The following GSK3B variants were observed in gnomAD, a reference collection of about 807,000 sequenced individuals.
GSK3B encodes glycogen synthase kinase-3 beta.
Under a neutral mutation model 56.4 loss-of-function variants are expected in GSK3B, and 15 were observed. The observed-to-expected ratio is 0.27, with a 90% CI of 0.18 to 0.41. GSK3B has a LOEUF of 0.41. Ranked by LOEUF, GSK3B falls within the 10% of genes least tolerant of loss-of-function variation. The pLI, the probability that GSK3B is intolerant of heterozygous loss-of-function variation, is 1.00. For missense variants in GSK3B, 300 were observed against 513.4 expected (o/e 0.58, Z 4.02); for synonymous variants, 181 against 188.9 (o/e 0.96, Z 0.34).
chr3:119,870,127 T>A (rs1229803121), intron 8 of GSK3B, among the ~76,000 whole-genome samples: 2 of 152,172 alleles, frequency 1.3e-5, no homozygotes, highest in African/African-American at 2.4e-5. Flanking sequence ...CCCTTCAACA[T>A]CCCACCTCAT....
chr3:120,094,202 A>G lies in GSK3B; in HGVS notation c.-768T>C, dbSNP rs893032650. Reference sequence around the variant, plus strand: ...TCGCCGGGGACATGGGAACCCGGCAACCGCTTCCGTCCCTCGGGGCCCCCT... The same window carrying G: ...TCGCCGGGGACATGGGAACCCGGCAGCCGCTTCCGTCCCTCGGGGCCCCCT... On this transcript the variant is annotated 5_prime_UTR_variant, in exon 1 of 11. Coordinates refer to ENST00000264235, the MANE Select transcript of GSK3B (RefSeq NM_001146156.2). 1.8e-5 allele frequency: 4 copies of G among 225,836 alleles called. No individual in the cohort carries two copies. The highest frequency in any genetic ancestry group is 6.8e-5 in the African/African-American group (3 of 44,434). The allele number at this position is 225,836 out of a possible 1,614,324, so 14.0% of individuals were successfully genotyped here.
chr3:120,026,183 C>G (rs1331905702), intron 1 of GSK3B, among the ~76,000 whole-genome samples: 1 of 152,052 alleles, frequency 6.6e-6, no homozygotes, highest in Non-Finnish European at 1.5e-5. Context: ...ACAAGCGATA[C>G]AATAAAACCA....
At chr3:119,896,988 T>C (rs1385602691) in intron 7 of GSK3B, among the ~76,000 whole-genome samples, 2 of 152,220 alleles carry the variant, frequency 1.3e-5, no homozygotes, top group Non-Finnish European at 2.9e-5. Context: ...GATGGTCCTT[T>C]GACTCAGGTC....
intron 2 of GSK3B, among the ~76,000 whole-genome samples, chr3:119,956,543 A>G (rs1172743942): frequency 6.6e-6 from 1 of 152,224 alleles, no homozygotes. Context: ...TTGGTGCTCA[A>G]AAAGTTTTAA....
chr3:119,834,016 G>C (rs756450791), intron 10 of GSK3B, among the ~76,000 whole-genome samples: 1 of 151,964 alleles, frequency 6.6e-6, no homozygotes, highest in Non-Finnish European at 1.5e-5. Flanking sequence ...TTTTATTCCC[G>C]TATTTCCTTT....
At chr3:119,976,765 C>CAAAAAAAAAAAAAAAA (rs563133631) in intron 2 of GSK3B, among the ~76,000 whole-genome samples, 1 of 83,108 alleles carries the variant, frequency 1.2e-5, no homozygotes, top group African/African-American at 3.6e-5. Flanking sequence ...CCACTCCCCA[C>CAAAAAAAAAAAAAAAA]AAAAAAAAAA....
chr3:119,921,965 C>T (rs1347436501), intron 4 of GSK3B, among the ~76,000 whole-genome samples: 4 of 152,088 alleles, frequency 2.6e-5, no homozygotes, highest in Non-Finnish European at 5.9e-5. Context: ...GATGAAACCA[C>T]ATCTCCACTA....
intron 10 of GSK3B, among the ~76,000 whole-genome samples, chr3:119,827,608 A>AAT (rs1553721502): frequency 0.12 from 11,878 of 95,078 alleles, 1,050 homozygotes; most frequent in East Asian, 0.32. Flanking sequence ...AAAAAAAAAA[A>AAT]AGAGAGAGAG....
intron 2 of GSK3B, among the ~76,000 whole-genome samples, chr3:119,963,316 ATTT>A (rs908876641): frequency 1.3e-5 from 2 of 152,156 alleles, no homozygotes; most frequent in Non-Finnish European, 1.5e-5. Context: ...TCCTAAAGAC[ATTT>A]TTTACATAAT....
chr3:119,836,785 C>A (rs1477922509), intron 10 of GSK3B, among the ~76,000 whole-genome samples: 4 of 152,194 alleles, frequency 2.6e-5, no homozygotes, highest in Admixed American at 2.0e-4. Flanking sequence ...GAAGAGTAAT[C>A]TCTAGGAAAC....
intron 4 of GSK3B, among the ~76,000 whole-genome samples, chr3:119,920,798 C>T (rs1000752285): frequency 7.2e-5 from 11 of 151,970 alleles, no homozygotes; most frequent in African/African-American, 9.7e-5. Context: ...AAAAACTCAT[C>T]GATTTTATTT....
chr3:119,960,910 C>T (rs1341982569), intron 2 of GSK3B, among the ~76,000 whole-genome samples: 2 of 152,086 alleles, frequency 1.3e-5, no homozygotes, highest in Non-Finnish European at 2.9e-5. Flanking sequence ...GAACAATGCC[C>T]AGCCCATATC....
At chr3:119,858,840 T>A (rs765693228) in intron 9 of GSK3B, among the ~76,000 whole-genome samples, 1 of 152,150 alleles carries the variant, frequency 6.6e-6, no homozygotes, top group Non-Finnish European at 1.5e-5. Flanking sequence ...TGGCCTAATT[T>A]CAATATTGTT....
intron 7 of GSK3B, among the ~76,000 whole-genome samples, chr3:119,901,175 C>T (rs1249096848): frequency 2.0e-5 from 3 of 151,992 alleles, no homozygotes; most frequent in Non-Finnish European, 4.4e-5. Context: ...TATTTTTTCC[C>T]ATGTATCTGG....
At chr3:120,049,930 TG>T (rs2107541003) in intron 1 of GSK3B, among the ~76,000 whole-genome samples, 1 of 152,374 alleles carries the variant, frequency 6.6e-6, no homozygotes, top group East Asian at 1.9e-4. Flanking sequence ...TAATCCATTT[TG>T]TAGTGCTATG....
At chr3:119,867,909 G>A (rs2056203338) in intron 8 of GSK3B, among the ~76,000 whole-genome samples, 1 of 151,936 alleles carries the variant, frequency 6.6e-6, no homozygotes, top group African/African-American at 2.4e-5. Context: ...ACACAACCAG[G>A]TGGACAAAAA....
At chr3:119,942,048 C>G (rs750747327) in intron 3 of GSK3B, among the ~76,000 whole-genome samples, 18 of 152,188 alleles carry the variant, frequency 1.2e-4, no homozygotes, top group Admixed American at 2.6e-4. Flanking sequence ...CTTCTGGATA[C>G]AGGCCCCCAT....
intron 1 of GSK3B, among the ~76,000 whole-genome samples, chr3:120,035,271 G>C (rs1423499175): frequency 6.6e-6 from 1 of 152,042 alleles, no homozygotes; most frequent in Non-Finnish European, 1.5e-5. Flanking sequence ...GAAATGTCAG[G>C]GATTGCTAGC....
intron 7 of GSK3B, among the ~76,000 whole-genome samples, chr3:119,892,286 C>T (rs988772419): frequency 2.0e-5 from 3 of 147,044 alleles, no homozygotes; most frequent in African/African-American, 8.2e-5. Context: ...CTCCAGTCTT[C>T]TCCTTCCTGG....
Sources: gnomAD v4.1 joint callset for allele counts (sites outside exome capture counted in the v4.1 genomes callset) on GRCh38, gnomAD v4.1.1 for gene constraint, MANE v1.5 for transcripts, NCBI Gene and HGNC (gene_info 2026-07-23, HGNC 2026-07-21) for gene names.